The following RARB variants were observed in gnomAD, a reference collection of about 807,000 sequenced individuals.
RARB encodes the protein retinoic acid receptor beta.
Under a neutral mutation model 51.9 loss-of-function variants are expected in RARB, and 17 were observed. That is an observed-to-expected ratio of 0.33 (90% CI 0.22 to 0.49). RARB has a LOEUF of 0.49. Among genes scored for constraint, RARB ranks in the 20% least tolerant of loss-of-function variants. The probability of loss-of-function intolerance (pLI) is 0.99; values close to 1 mark genes in which losing one functional copy is unlikely to be tolerated. For missense variants in RARB, 369 were observed against 550.8 expected, an observed-to-expected ratio of 0.67 and a Z score of 3.30; for synonymous variants, 215 against 195.4, an observed-to-expected ratio of 1.10 and a Z score of -0.84.
chr3:24,974,494 G>A (rs1483635186), intron 2 of RARB, among the ~76,000 whole-genome samples: 1 of 151,932 alleles, frequency 6.6e-6, no homozygotes, highest in East Asian at 1.9e-4. Flanking sequence ...TGTCATGGAT[G>A]TTAAAATACA....
chr3:25,535,277 A>G (rs1699091799), intron 3 of RARB, among the ~76,000 whole-genome samples: 1 of 152,126 alleles, frequency 6.6e-6, no homozygotes, highest in Admixed American at 6.6e-5. Context: ...GTCAGTGGTC[A>G]CTTGCTTGGA....
chr3:25,285,841 C>CT lies in RARB; in HGVS notation c.178+111267dup, dbSNP rs554380855. ...GTTCCATTTTAGACAATTGAGCATG[C>CT]TACTTGGCTTTCTCTTTCTCTGTCT... On this transcript the variant is annotated intron_variant, in intron 5 of 11. Coordinates refer to the RARB transcript ENST00000383772. 8.6e-4 allele frequency among the ~76,000 whole-genome samples: 131 copies of CT among 152,264 alleles called. 2 individuals are homozygous for CT. The South Asian group carries it at 0.026, about 30-fold the overall frequency.
intron 5 of RARB, among the ~76,000 whole-genome samples, chr3:25,317,193 C>T (rs935927938): frequency 2.2e-5 from 3 of 135,808 alleles, no homozygotes; most frequent in Non-Finnish European, 3.3e-5. Flanking sequence ...TCTTGGTGCC[C>T]GCCTTGTGTC....
At chr3:25,254,595 T>TG (rs796693573) in intron 5 of RARB, among the ~76,000 whole-genome samples, 107 of 150,538 alleles carry the variant, frequency 7.1e-4, no homozygotes, top group African/African-American at 2.3e-3. Flanking sequence ...CACTTACAGC[T>TG]GGGGGGTCGG....
intron 3 of RARB, among the ~76,000 whole-genome samples, chr3:25,505,534 T>C (rs1697538575): frequency 7.5e-6 from 1 of 133,696 alleles, no homozygotes; most frequent in African/African-American, 3.3e-5. Context: ...AACAGTATGC[T>C]TATTTCTTCA....
chr3:24,885,818 A>G (rs1012907042), intron 2 of RARB, among the ~76,000 whole-genome samples: 4 of 152,192 alleles, frequency 2.6e-5, no homozygotes, highest in African/African-American at 9.7e-5. Context: ...GATGTTTCAA[A>G]TAGGCCAGCT....
At chr3:25,216,685 T>C (rs1304450751) in intron 5 of RARB, among the ~76,000 whole-genome samples, 2 of 151,200 alleles carry the variant, frequency 1.3e-5, no homozygotes, top group Non-Finnish European at 2.9e-5. Context: ...CTGCACATTC[T>C]GCACGTGTAT....
intron 4 of RARB, among the ~76,000 whole-genome samples, chr3:25,146,374 G>C (rs1700189893): frequency 6.6e-6 from 1 of 152,132 alleles, no homozygotes. Flanking sequence ...TGTCATTACA[G>C]GGTGGGAAGC....
At chr3:24,981,520 G>C (rs1035958354) in intron 2 of RARB, among the ~76,000 whole-genome samples, 7 of 152,132 alleles carry the variant, frequency 4.6e-5, no homozygotes, top group African/African-American at 1.7e-4. Flanking sequence ...CCACACTTCA[G>C]TGTCCCAGGT....
intron 3 of RARB, among the ~76,000 whole-genome samples, chr3:25,548,642 C>CAA (rs35411774): frequency 0.31 from 23,040 of 73,336 alleles, 2,772 homozygotes; most frequent in East Asian, 0.48. Flanking sequence ...CCTCCCCCGA[C>CAA]AAAAAAAAAA....
intron 3 of RARB, among the ~76,000 whole-genome samples, chr3:25,534,032 T>C (rs1206189076): frequency 1.3e-5 from 2 of 152,262 alleles, no homozygotes; most frequent in East Asian, 1.9e-4. Flanking sequence ...GAAATGCTTT[T>C]ACTATGTGCC....
At chr3:25,292,604 C>A (rs571374683) in intron 5 of RARB, among the ~76,000 whole-genome samples, 1 of 152,172 alleles carries the variant, frequency 6.6e-6, no homozygotes, top group Non-Finnish European at 1.5e-5. Context: ...ATATCCCTGA[C>A]AGAGTTAGGC....
intron 4 of RARB, among the ~76,000 whole-genome samples, 164 bp downstream of exon 4, chr3:25,570,082 T>A (rs916574564): frequency 1.3e-5 from 2 of 152,208 alleles, no homozygotes; most frequent in African/African-American, 4.8e-5. Context: ...AGTAGCCACT[T>A]CTTTCTGTGA....
At chr3:25,072,450 TGAG>T (rs1274668717) in intron 3 of RARB, among the ~76,000 whole-genome samples, 3 of 152,000 alleles carry the variant, frequency 2.0e-5, no homozygotes, top group African/African-American at 4.8e-5. Context: ...AAACAAGAAA[TGAG>T]GAGCGATACC....
chr3:25,138,103 G>T (rs1700058371), intron 4 of RARB, among the ~76,000 whole-genome samples: 1 of 152,072 alleles, frequency 6.6e-6, no homozygotes, highest in African/African-American at 2.4e-5. Flanking sequence ...ATATCTTGGG[G>T]TTACTGAGAA....
chr3:24,986,638 A>G (rs1030987467), intron 2 of RARB, among the ~76,000 whole-genome samples: 1 of 152,244 alleles, frequency 6.6e-6, no homozygotes, highest in African/African-American at 2.4e-5. Context: ...ATTGATTCAT[A>G]AAGATCATTA....
Position 25,597,719 on chromosome 3 carries a change from G to C in RARB, c.*1103G>C, listed in dbSNP as rs1464327212. ...ATGAAGCAGAGTGAAAGCTGTGGTA[G>C]AGTGGTTAACAGATACAAGTGTCAG... On this transcript the variant is annotated 3_prime_UTR_variant, in exon 8 of 8. Transcript: ENST00000330688. 1.3e-5 allele frequency: 2 copies of C among 152,576 alleles called. No homozygotes were observed. 9.5% of individuals were successfully genotyped at this position (152,576 alleles called of 1,614,324 possible).
Position 25,563,519 on chromosome 3 carries a change from C to T in RARB, c.449-6239C>T, listed in dbSNP as rs111988449. On this transcript the variant is annotated intron_variant, in intron 3 of 7. Coordinates refer to ENST00000330688, the MANE Select transcript of RARB (RefSeq NM_000965.5). ...GATTCTGATGTAGAAGAAATGTTTA[C>T]TCACCCCAACTCTCCCCAGTTTACA... Among the ~76,000 whole-genome samples the T allele has an allele frequency of 2.4e-4, 36 of 152,298 alleles. 3 individuals are homozygous for T. Among genetic ancestry groups the T allele is most frequent in the African/African-American group, 8.4e-4 (35 of 41,554 alleles).
At chr3:25,129,844 A>T (rs1332981041) in intron 3 of RARB, among the ~76,000 whole-genome samples, 1 of 152,096 alleles carries the variant, frequency 6.6e-6, no homozygotes, top group Non-Finnish European at 1.5e-5. Context: ...GTGCAGAGTG[A>T]TGGAGGAAGA....
Sources: gnomAD v4.1 joint callset for allele counts (sites outside exome capture counted in the v4.1 genomes callset) on GRCh38, gnomAD v4.1.1 for gene constraint, MANE v1.5 for transcripts, NCBI Gene and HGNC (gene_info 2026-07-23, HGNC 2026-07-21) for gene names.